POU4F1: variants seen among roughly 807,000 people sequenced by gnomAD.
The protein encoded by POU4F1 is POU class 4 homeobox 1, also known as POU domain, class 4, transcription factor 1.
In POU4F1, 5 loss-of-function variants were observed where a neutral mutation model predicts 19.8. The observed-to-expected ratio is 0.25, with a 90% CI of 0.13 to 0.53. The LOEUF is 0.53. Ranked by LOEUF, POU4F1 falls within the 20% of genes least tolerant of loss-of-function variation. The pLI, the probability that POU4F1 is intolerant of heterozygous loss-of-function variation, is 0.96. For missense variants in POU4F1, 408 were observed against 511.6 expected, an observed-to-expected ratio of 0.80 and a Z score of 1.95; for synonymous variants, 266 against 247.7, an observed-to-expected ratio of 1.07 and a Z score of -0.69.
In POU4F1 at chr13:78,603,270, C is replaced by G. The variant is rs766150707; in HGVS notation, c.57G>C (p.Glu19Asp). 64 of 1,577,438 alleles carry G rather than the reference C, an allele frequency of 4.1e-5. No individual in the cohort carries two copies. Among genetic ancestry groups the G allele is most frequent in the Admixed American group, 2.7e-4 (15 of 55,878 alleles). ...PHFAMHPTLPEHKYPSLHSSS... is the reference protein window; with the variant it reads ...PHFAMHPTLPDHKYPSLHSSS... ...TGGAGTGCAGCGACGGGTACTTGTG[C>G]TCAGGGAGGGTGGGATGCATGGCAA... Residue 19 changes from glutamate (E) to aspartate (D), a missense_variant, in exon 1 of 2, where the codon GAG (glutamate) becomes GAC (aspartate). By Grantham distance (45) the Glu-to-Asp change is conservative. Transcript: ENST00000377208.
chr13:78,601,334 AG>A lies in POU4F1; in HGVS notation c.*80del. On this transcript the variant is annotated 3_prime_UTR_variant, in exon 2 of 2. Coordinates refer to ENST00000377208, the MANE Select transcript of POU4F1 (RefSeq NM_006237.4). ...CAGGATAACGGACACTCCAAATCCG[AG>A]GGGAGGCAAGCAGAGGAAAGCCCCC... 2 of 1,583,078 alleles carry A rather than the reference AG, an allele frequency of 1.3e-6. No individual in the cohort carries two copies. Among genetic ancestry groups the A allele is most frequent in the South Asian group, 1.2e-5 (1 of 86,672 alleles).
chr13:78,601,620 C>T lies in POU4F1; in HGVS notation c.1055G>A (p.Gly352Asp), dbSNP rs775821689. 5 of 1,613,852 alleles carry T rather than the reference C, an allele frequency of 3.1e-6. No homozygotes were observed. The South Asian group carries it at 5.5e-5, about 18-fold the overall frequency. ...AGTCCGCTTGCGCTTCTTCTCGCCG[C>T]CGTTGAAGAGCTCAGGCTTGTTCAT... The part of the protein sequence containing the change: ...EKMNKPELFN[G>D]GEKKRKRTSI... The change falls in exon 2 of 2, where the codon GGC becomes GAC. Residue 352 changes from glycine (G) to aspartate (D), a missense_variant. Gly to Asp is a moderately conservative substitution (Grantham distance 94). Coordinates refer to ENST00000377208, the MANE Select transcript of POU4F1 (RefSeq NM_006237.4).
chr13:78,602,960 G>A (rs546950738), intron 1 of POU4F1, among the ~76,000 whole-genome samples: 30 of 152,282 alleles, frequency 2.0e-4, no homozygotes, highest in African/African-American at 6.5e-4. Flanking sequence ...GTAGAGGGAA[G>A]TCGAGAGTCC....
chr13:78,601,378 C>A lies in POU4F1; in HGVS notation c.*37G>T, dbSNP rs1272783816. ...AAGCCCCCCAAAAATGCCTCCTCAG[C>A]TCCCCATTCTGTCCCGCCCGACACC... is the stretch of plus-strand genomic sequence containing the variant. On this transcript the variant is annotated 3_prime_UTR_variant, in exon 2 of 2. Transcript: ENST00000377208. The A allele has an allele frequency of 6.2e-7, 1 of 1,611,952 alleles. No individual in the cohort carries two copies.
In POU4F1 at chr13:78,601,421, A is replaced by C; in HGVS notation, c.1254T>G (p.Thr418=). ...QKQKRMKFSA[T]Y is the part of the protein sequence containing the mutation. ...CCGACACCTCCCAGCCCCCTCAGTA[A>C]GTGGCAGAGAATTTCATCCGCTTCT... Residue 418 remains threonine, a synonymous_variant, in exon 2 of 2, where the codon ACT becomes ACG. Transcript: ENST00000377208. 1 of 1,613,606 alleles carries C rather than the reference A, an allele frequency of 6.2e-7. No homozygotes were observed. Among genetic ancestry groups the C allele is most frequent in the African/African-American group, 1.3e-5 (1 of 74,992 alleles).
Position 78,603,536 on chromosome 13 carries a change from G to A in POU4F1, c.-210C>T. ...CGCCGCGCGCCGGCCTCGCGGTCCC[G>A]CTTCTCCGACAGCTCTAGCCCCGCG... On this transcript the variant is annotated 5_prime_UTR_variant, in exon 1 of 2. Coordinates refer to ENST00000377208, the MANE Select transcript of POU4F1 (RefSeq NM_006237.4). 1 of 689,478 alleles carries A rather than the reference G, an allele frequency of 1.5e-6. No individual in the cohort carries two copies. Among genetic ancestry groups the A allele is most frequent in the Non-Finnish European group, 1.9e-6 (1 of 524,298 alleles). 42.7% of individuals were successfully genotyped at this position (689,478 alleles called of 1,614,324 possible).
At position 78,602,300 on chromosome 13, in the gene POU4F1, G is replaced by C. The variant is rs1270778552; in HGVS notation, c.375C>G (p.Leu125=). ...DLLDHISSPS[L]ALMAGAGGAG... is the part of the protein sequence containing the mutation. ...CGCCGCCCGCGCCGGCCATGAGCGCGAGCGACGGCGAGGAGATGTGGTCCA... is the reference window on the plus strand; with the variant it reads ...CGCCGCCCGCGCCGGCCATGAGCGCCAGCGACGGCGAGGAGATGTGGTCCA... Residue 125 remains leucine, a synonymous_variant, in exon 2 of 2, where the codon CTC becomes CTG. Transcript: ENST00000377208. 8.0e-7 allele frequency: 1 copy of C among 1,248,090 alleles called. No homozygotes were observed. The highest frequency in any genetic ancestry group is 1.0e-6 in the Non-Finnish European group (1 of 993,436). 77.3% of individuals were successfully genotyped at this position (1,248,090 alleles called of 1,614,324 possible).
At position 78,599,827 on chromosome 13, in the gene POU4F1, T is replaced by C. The variant is rs1874625494; in HGVS notation, c.*1588A>G. 1 of 152,586 alleles carries C rather than the reference T, an allele frequency of 6.6e-6. No individual in the cohort carries two copies. Among genetic ancestry groups the C allele is most frequent in the Non-Finnish European group, 1.5e-5 (1 of 68,032 alleles). 9.5% of individuals were successfully genotyped at this position (152,586 alleles called of 1,614,324 possible). A position where few individuals can be genotyped will look rare whatever the true frequency, so the allele number is the denominator to read the frequency against. On this transcript the variant is annotated 3_prime_UTR_variant, in exon 2 of 2. Coordinates refer to ENST00000377208, the MANE Select transcript of POU4F1 (RefSeq NM_006237.4). ...CATTTTACCTAACCACCTTCAACTA[T>C]CTTAATTTTTTAAAATCCACCAGCA...
rs1395880495 is a variant in POU4F1, at chr13:78,599,333, A to G, written c.*2082T>C. On this transcript the variant is annotated 3_prime_UTR_variant, in exon 2 of 2. Coordinates refer to ENST00000377208, the MANE Select transcript of POU4F1 (RefSeq NM_006237.4). ...GCTCAGCAGACATACATGGACAGGT[A>G]GATCAATCCGTGAGACATTTCAGGA... 1 of 152,696 alleles carries G rather than the reference A, an allele frequency of 6.5e-6. No homozygotes were observed. The highest frequency in any genetic ancestry group is 2.4e-5 in the African/African-American group (1 of 41,468). The allele number at this position is 152,696 out of a possible 1,614,324, so 9.5% of individuals were successfully genotyped here.
At chr13:78,602,643 C>T (rs1874758885) in intron 1 of POU4F1, 92 bp from the exon 2 acceptor site, 6 of 1,305,740 alleles carry the variant, frequency 4.6e-6, no homozygotes, top group Non-Finnish European at 4.9e-6. Flanking sequence ...CCGGAAAGCA[C>T]AGCATGCGAA....
In POU4F1 at chr13:78,599,420, A is replaced by C. The variant is rs567049611; in HGVS notation, c.*1995T>G. 6.5e-6 allele frequency: 1 copy of C among 152,724 alleles called. No homozygotes were observed. The highest frequency in any genetic ancestry group is 2.4e-5 in the African/African-American group (1 of 41,574). 9.5% of individuals were successfully genotyped at this position (152,724 alleles called of 1,614,324 possible). A position where few individuals can be genotyped will look rare whatever the true frequency, so the allele number is the denominator to read the frequency against. On this transcript the variant is annotated 3_prime_UTR_variant, in exon 2 of 2. Transcript: ENST00000377208. ...TGCATTAAATAAAATATTTACAATA[A>C]TCTTTTTTCCTTTTTCTTTGAATAC...
In POU4F1 at chr13:78,603,440, GGCGGCGGCC is replaced by G; in HGVS notation, c.-123_-115del. 7.4e-7 allele frequency: 1 copy of G among 1,353,090 alleles called. No individual in the cohort carries two copies. The highest frequency in any genetic ancestry group is 9.5e-7 in the Non-Finnish European group (1 of 1,051,044). The allele number at this position is 1,353,090 out of a possible 1,614,324, so 83.8% of individuals were successfully genotyped here. A position where few individuals can be genotyped will look rare whatever the true frequency, so the allele number is the denominator to read the frequency against. ...TGCAGCCGCGGCGGTCGCGGCGGCTGGCGGCGGCCCCGCCGCGGGCTGCTGCTGCTGCTC... is the reference window on the plus strand; with the variant it reads ...TGCAGCCGCGGCGGTCGCGGCGGCTGCCGCCGCGGGCTGCTGCTGCTGCTC... On this transcript the variant is annotated 5_prime_UTR_variant, in exon 1 of 2. Transcript: ENST00000377208.
In POU4F1 at chr13:78,602,356, G is replaced by T. The variant is rs1874748322; in HGVS notation, c.319C>A (p.His107Asn). The stretch of plus-strand genomic sequence containing the variant: ...TCGCCGGGTTCGAGCGCCTGGTGGT[G>T]GTGGTGGTGGTGGTGGTGGTGCGCC... ...PLAHHHHHHH[H>N]HQALEPGDLL... Residue 107 changes from histidine (H) to asparagine (N), a missense_variant, in exon 2 of 2, where the codon CAC (histidine) becomes AAC (asparagine). His to Asn is a moderately conservative substitution (Grantham distance 68, BLOSUM62 1). Transcript: ENST00000377208. 4 of 1,483,218 alleles carry T rather than the reference G, an allele frequency of 2.7e-6. No individual in the cohort carries two copies. The South Asian group carries it at 5.1e-5, about 19-fold the overall frequency. 91.9% of individuals were successfully genotyped at this position (1,483,218 alleles called of 1,614,324 possible). A position where few individuals can be genotyped will look rare whatever the true frequency, so the allele number is the denominator to read the frequency against.
chr13:78,601,989 G>A lies in POU4F1; in HGVS notation c.686C>T (p.Ala229Val). Residue 229 changes from alanine to valine, a missense_variant, in exon 2 of 2, where the codon GCA (alanine) becomes GTA (valine). Transcript: ENST00000377208. ...GGCCGCCGCCGCCGCCGCTGCCGCT[G>A]CCGCGCCGTGGTGCGCCGCCGCCGC... The part of the protein sequence containing the change: ...LVAAAAHHGA[A>V]AAAAAAAAGQ... The A allele has an allele frequency of 3.1e-6, 3 of 969,108 alleles. No homozygotes were observed. Among genetic ancestry groups the A allele is most frequent in the Non-Finnish European group, 3.7e-6 (3 of 814,222 alleles). The allele number at this position is 969,108 out of a possible 1,614,324, so 60.0% of individuals were successfully genotyped here.
In POU4F1 at chr13:78,601,637, C is replaced by G. The variant is rs371001596; in HGVS notation, c.1038G>C (p.Lys346Asn). The part of the protein sequence containing the change: ...AEGAQREKMN[K>N]PELFNGGEKK... The stretch of plus-strand genomic sequence containing the variant: ...TCTCGCCGCCGTTGAAGAGCTCAGG[C>G]TTGTTCATTTTCTCGCGCTGGGCGC... The change falls in exon 2 of 2, where the codon AAG becomes AAC. Residue 346 changes from lysine (K) to asparagine (N), a missense_variant. Physicochemically the swap from Lys to Asn is moderately conservative, Grantham distance 94 (BLOSUM62 0). Transcript: ENST00000377208. The G allele has an allele frequency of 1.9e-6, 3 of 1,613,736 alleles. No homozygotes were observed. The highest frequency in any genetic ancestry group is 2.5e-6 in the Non-Finnish European group (3 of 1,179,988).
rs568355886 is a variant in POU4F1, at chr13:78,601,331, C to T, written c.*84G>A. 536 of 1,577,278 alleles carry T rather than the reference C, an allele frequency of 3.4e-4. 1 individual carries two copies. Among genetic ancestry groups the T allele is most frequent in the Non-Finnish European group, 4.0e-4 (467 of 1,164,994 alleles). ...AGGCAGGATAACGGACACTCCAAATCCGAGGGGAGGCAAGCAGAGGAAAGC... is the reference window on the plus strand; with the variant it reads ...AGGCAGGATAACGGACACTCCAAATTCGAGGGGAGGCAAGCAGAGGAAAGC... On this transcript the variant is annotated 3_prime_UTR_variant, in exon 2 of 2. Transcript: ENST00000377208.
chr13:78,601,529 G>C lies in POU4F1; in HGVS notation c.1146C>G (p.Ser382=), dbSNP rs1874695465. The C allele has an allele frequency of 1.2e-6, 2 of 1,613,952 alleles. No homozygotes were observed. Among genetic ancestry groups the C allele is most frequent in the South Asian group, 1.1e-5 (1 of 91,078 alleles). ...TCTCGGCGATGGCGGCGATCTTCTC[G>C]GACGAGGGCCGGGGCTGCACGGCGA... is the stretch of plus-strand genomic sequence containing the variant. ...AYFAVQPRPS[S]EKIAAIAEKL... is the part of the protein sequence containing the mutation. Residue 382 remains serine, a synonymous_variant, in exon 2 of 2, where the codon TCC becomes TCG. Transcript: ENST00000377208.
chr13:78,601,942 C>A lies in POU4F1; in HGVS notation c.733G>T (p.Ala245Ser), dbSNP rs766846140. Residue 245 changes from alanine (A) to serine (S), a missense_variant, in exon 2 of 2, where the codon GCG (alanine) becomes TCG (serine). This residue lies in a region of POU4F1 where 294 missense variants were observed against 288.2 expected (regional missense o/e 1.02). Transcript: ENST00000377208. The part of the protein sequence containing the change: ...AAAGQVAAAS[A>S]AAAVVGAAGL... Reference sequence around the variant, plus strand: ...GCTGCGCCCACCACGGCCGCCGCCGCCGATGCCGCTGCCACCTGCCCGGCC... The same window carrying A: ...GCTGCGCCCACCACGGCCGCCGCCGACGATGCCGCTGCCACCTGCCCGGCC... 3.8e-5 allele frequency: 48 copies of A among 1,255,780 alleles called. No homozygotes were observed. The highest frequency in any genetic ancestry group is 4.7e-5 in the Non-Finnish European group (47 of 1,003,100). 77.8% of individuals were successfully genotyped at this position (1,255,780 alleles called of 1,614,324 possible).
chr13:78,603,497 C>T lies in POU4F1; in HGVS notation c.-171G>A, dbSNP rs1224033723. On this transcript the variant is annotated 5_prime_UTR_variant, in exon 1 of 2. Coordinates refer to ENST00000377208, the MANE Select transcript of POU4F1 (RefSeq NM_006237.4). The stretch of plus-strand genomic sequence containing the variant: ...CTCCTGCTGCTGCCAGGCGCTCCCT[C>T]TGACCGCGCAGAGCGCCGCGCGCCG... 9.0e-7 allele frequency: 1 copy of T among 1,109,446 alleles called. No homozygotes were observed. The highest frequency in any genetic ancestry group is 1.7e-5 in the African/African-American group (1 of 59,888). The allele number at this position is 1,109,446 out of a possible 1,614,324, so 68.7% of individuals were successfully genotyped here. A position where few individuals can be genotyped will look rare whatever the true frequency, so the allele number is the denominator to read the frequency against.
Sources: allele counts gnomAD v4.1 joint callset (sites outside exome capture counted in the v4.1 genomes callset), GRCh38; gene constraint gnomAD v4.1.1; regional missense constraint gnomAD v4.1.1; transcripts MANE v1.5; gene names NCBI Gene and HGNC (gene_info 2026-07-23, HGNC 2026-07-21).